Variants in CFAP69 observed in about 807,000 individuals in gnomAD.
CFAP69 encodes the protein cilia- and flagella-associated protein 69.
CFAP69 carries 92 observed loss-of-function variants against 123.0 expected under a neutral mutation model. The observed-to-expected ratio is 0.75, with a 90% CI of 0.63 to 0.89. The LOEUF is 0.89. Among genes scored for constraint, CFAP69 ranks in the 40% least tolerant of loss-of-function variants. The pLI, the probability that CFAP69 is intolerant of heterozygous loss-of-function variation, is 0.00. For missense variants in CFAP69, 1,067 were observed against 1,096.9 expected, an observed-to-expected ratio of 0.97 and a Z score of 0.39; for synonymous variants, 380 against 364.3, an observed-to-expected ratio of 1.04 and a Z score of -0.49.
intron 9 of CFAP69, among the ~76,000 whole-genome samples, chr7:90,274,678 C>T (rs541241924): frequency 1.9e-4 from 29 of 152,080 alleles, no homozygotes; most frequent in Non-Finnish European, 2.9e-4. Flanking sequence ...TGAGAAGTAT[C>T]CATTATTTCA....
At chr7:90,317,007 T>G in the CFAP69 span, 2 of 152,148 alleles carry the variant, frequency 1.3e-5, no homozygotes, top group Admixed American at 6.5e-5. Context: ...AACTGTTTTT[T>G]TTGAGGAAAA....
At chr7:90,282,832 T>A (rs1789688231) in intron 12 of CFAP69, 60 bp from the exon 13 acceptor site, 1 of 1,284,008 alleles carries the variant, frequency 7.8e-7, no homozygotes, top group Non-Finnish European at 1.0e-6. Context: ...GTATAAGATA[T>A]CTGATATATT....
chr7:90,307,692 T>A, intron 20 of CFAP69, 76 bp from the exon 21 acceptor site: 1 of 866,608 alleles, frequency 1.2e-6, no homozygotes. Context: ...CCAGCCTGGG[T>A]GACAGAGTGA....
chr7:90,278,402 T>A (rs1584431598), intron 11 of CFAP69, among the ~76,000 whole-genome samples: 1 of 152,136 alleles, frequency 6.6e-6, no homozygotes, highest in East Asian at 1.9e-4. Context: ...AGAAAAGTTG[T>A]CTTTATAATT....
At chr7:90,286,661 CCAGA>C (rs1426449189) in intron 14 of CFAP69, among the ~76,000 whole-genome samples, 1 of 152,200 alleles carries the variant, frequency 6.6e-6, no homozygotes, top group Non-Finnish European at 1.5e-5. Context: ...CTACTCACTT[CCAGA>C]CAAACTACTG....
At chr7:90,318,092 A>C in the CFAP69 span, 1 of 152,216 alleles carries the variant, frequency 6.6e-6, no homozygotes, top group South Asian at 2.1e-4. Context: ...ACCCTTTATC[A>C]AAGGTATAGG....
chr7:90,286,574 T>A (rs1056269051), intron 14 of CFAP69, 175 bp downstream of exon 14: 1 of 531,010 alleles, frequency 1.9e-6, no homozygotes, highest in African/African-American at 2.0e-5. Flanking sequence ...ATACACCCAT[T>A]TAACTCATAC....
At chr7:90,287,542 A>G in intron 14 of CFAP69, 3 of 985,312 alleles carry the variant, frequency 3.0e-6, no homozygotes, top group Non-Finnish European at 3.6e-6. Flanking sequence ...GATAATTTAA[A>G]TGTTAAATAG....
At chr7:90,297,927 ATGTGCCCC>A in intron 16 of CFAP69, 97 bp downstream of exon 16, 2 of 770,904 alleles carry the variant, frequency 2.6e-6, no homozygotes, top group Non-Finnish European at 4.2e-6. Flanking sequence ...CTATGAATAA[ATGTGCCCC>A]AAATCATGTT....
chr7:90,269,998 G>C (rs928705107), intron 6 of CFAP69: 44 of 152,322 alleles, frequency 2.9e-4, no homozygotes, highest in African/African-American at 1.0e-3. Flanking sequence ...AGGGAAACCA[G>C]TGGTGTAGGA....
intron 1 of CFAP69, among the ~76,000 whole-genome samples, chr7:90,249,485 A>G (rs11563922): frequency 2.0e-5 from 3 of 152,292 alleles, no homozygotes; most frequent in African/African-American, 7.2e-5. Flanking sequence ...TTGTTTTTCT[A>G]GTATTAATCC....
intron 15 of CFAP69, among the ~76,000 whole-genome samples, chr7:90,295,538 A>G (rs549270970): frequency 6.6e-6 from 1 of 152,254 alleles, no homozygotes; most frequent in East Asian, 1.9e-4. Context: ...AGACCCCAAC[A>G]CTTACCCAAT....
chr7:90,250,571 G>GT (rs1471541356), intron 1 of CFAP69, among the ~76,000 whole-genome samples: 5 of 152,212 alleles, frequency 3.3e-5, no homozygotes, highest in African/African-American at 1.2e-4. Context: ...TTTGAATGAA[G>GT]TAAGTCTGAT....
At chr7:90,317,190 C>G in the CFAP69 span, 2 of 151,894 alleles carry the variant, frequency 1.3e-5, no homozygotes, top group African/African-American at 4.8e-5. Context: ...AAGATTAACT[C>G]AACTTTTTAC....
At chr7:90,307,971 C>T (rs1793853383) in intron 21 of CFAP69, 117 bp downstream of exon 21, 3 of 595,028 alleles carry the variant, frequency 5.0e-6, no homozygotes. Context: ...ACAATACCAG[C>T]ACTATTAGAT....
At chr7:90,255,865 A>C (rs1314198064) in intron 2 of CFAP69, among the ~76,000 whole-genome samples, 1 of 152,230 alleles carries the variant, frequency 6.6e-6, no homozygotes, top group Non-Finnish European at 1.5e-5. Flanking sequence ...AGATACACAC[A>C]AACATGTACA....
At chr7:90,250,018 A>C (rs1469838786) in intron 1 of CFAP69, among the ~76,000 whole-genome samples, 3 of 152,174 alleles carry the variant, frequency 2.0e-5, no homozygotes, top group Non-Finnish European at 4.4e-5. Context: ...CTGTGTGCTT[A>C]AAATTGTCTA....
rs2116449810 is a variant in CFAP69 at position 90,245,332 on chromosome 7, C to T, written c.-93C>T. The T allele has an allele frequency of 1.4e-6, 2 of 1,425,476 alleles. No individual in the cohort carries two copies. The highest frequency in any genetic ancestry group is 9.2e-7 in the Non-Finnish European group (1 of 1,089,674). 88.3% of individuals were successfully genotyped at this position (1,425,476 alleles called of 1,614,324 possible). ...TCTAGCGACTCTCAGGCTGCCTTCC[C>T]TTCTCGGTGGCGGGGCCTCTTTGGG... On this transcript the variant is annotated 5_prime_UTR_variant, in exon 1 of 23. Coordinates refer to ENST00000389297, the MANE Select transcript of CFAP69 (RefSeq NM_001039706.3).
chr7:90,300,336 T>C (rs1262313807), intron 17 of CFAP69: 1 of 911,886 alleles, frequency 1.1e-6, no homozygotes, highest in Non-Finnish European at 1.3e-6. Flanking sequence ...AAGATGCTTC[T>C]TTGGGTTTTC....
Sources: allele counts gnomAD v4.1 joint callset (sites outside exome capture counted in the v4.1 genomes callset), GRCh38; gene constraint gnomAD v4.1.1; transcripts MANE v1.5; gene names NCBI Gene and HGNC (gene_info 2026-07-23, HGNC 2026-07-21).